GAN: variants seen among roughly 807,000 people sequenced by gnomAD.
The protein encoded by GAN is gigaxonin.
A neutral mutation model predicts 71.3 loss-of-function variants in GAN; 48 were observed. That is an observed-to-expected ratio of 0.67 (90% CI 0.53 to 0.86). The LOEUF (loss-of-function observed/expected upper bound fraction) is 0.86, where lower values mean the gene tolerates loss of function less well. GAN is among the 40% of genes least tolerant of loss of function. GAN has a pLI of 0.00. For synonymous variants in GAN, 386 were observed against 276.8 expected, an observed-to-expected ratio of 1.39 and a Z score of -3.92; for missense variants, 928 against 770.1, an observed-to-expected ratio of 1.21 and a Z score of -2.43.
At chr16:81,337,583 G>C (rs1027611273) in intron 1 of GAN, among the ~76,000 whole-genome samples, 19 of 152,336 alleles carry the variant, frequency 1.2e-4, no homozygotes, top group African/African-American at 4.6e-4. Context: ...CATTTTGGAA[G>C]CAAGAAGGGG....
At chr16:81,337,685 A>G (rs1171166092) in intron 1 of GAN, among the ~76,000 whole-genome samples, 1 of 152,188 alleles carries the variant, frequency 6.6e-6, no homozygotes, top group African/African-American at 2.4e-5. Flanking sequence ...GAATAATACC[A>G]TCTTCTTTAT....
intron 1 of GAN, among the ~76,000 whole-genome samples, chr16:81,329,504 G>A (rs1909502468): frequency 6.6e-6 from 1 of 152,216 alleles, no homozygotes. Flanking sequence ...CTTGTGCACA[G>A]TCTCAGCTCC....
intron 3 of GAN, 88 bp from the exon 4 acceptor site, chr16:81,356,696 GT>G (rs1426729018): frequency 2.1e-6 from 2 of 931,894 alleles, no homozygotes; most frequent in East Asian, 2.4e-5. Context: ...TTAACAGTTT[GT>G]TTTCCATGAG....
rs527514406 is a variant in GAN, at chr16:81,321,331, C to T, written c.167+6051C>T. ...GTAATGTGATAGGAGTAAAACCTAG[C>T]TCTGGTTAATTTTCTCTAGTGGATA... On this transcript the variant is annotated intron_variant, in intron 1 of 10. Transcript: ENST00000648994. Among the ~76,000 whole-genome samples, 3 of 152,270 alleles carry T rather than the reference C, an allele frequency of 2.0e-5. No individual in the cohort carries two copies. In the South Asian group the frequency reaches 6.2e-4, roughly 32 times the overall value.
chr16:81,373,949 G>T (rs1461060999), intron 9 of GAN, among the ~76,000 whole-genome samples: 3 of 152,148 alleles, frequency 2.0e-5, no homozygotes, highest in African/African-American at 4.8e-5. Flanking sequence ...CACCATGTTG[G>T]CCAGGATGGT....
At chr16:81,344,238 C>A (rs1054081268) in intron 1 of GAN, among the ~76,000 whole-genome samples, 1 of 152,192 alleles carries the variant, frequency 6.6e-6, no homozygotes, top group African/African-American at 2.4e-5. Context: ...CGCTGACTTT[C>A]TTCACAGAAT....
In GAN at chr16:81,355,407, G is replaced by T. The variant is rs563138961; in HGVS notation, c.633+652G>T. On this transcript the variant is annotated intron_variant, in intron 3 of 10. Transcript: ENST00000648994. ...GTCTCAGTCTGTCTCCCAGGCTGAAGGGCAGTAGCCAGAGTGGCACGATCA... is the reference window on the plus strand; with the variant it reads ...GTCTCAGTCTGTCTCCCAGGCTGAATGGCAGTAGCCAGAGTGGCACGATCA... Among the ~76,000 whole-genome samples, 15 of 152,330 alleles carry T rather than the reference G, an allele frequency of 9.8e-5. No homozygotes were observed. In the South Asian group the frequency reaches 2.5e-3, roughly 25 times the overall value.
At chr16:81,330,231 GT>G (rs1909530354) in intron 1 of GAN, among the ~76,000 whole-genome samples, 1 of 152,200 alleles carries the variant, frequency 6.6e-6, no homozygotes, top group African/African-American at 2.4e-5. Flanking sequence ...TGCCGCCAGA[GT>G]GATGTTTCTA....
At chr16:81,315,757 G>A (rs537311956) in intron 1 of GAN, among the ~76,000 whole-genome samples, 88 of 152,370 alleles carry the variant, frequency 5.8e-4, no homozygotes, top group Non-Finnish European at 1.1e-3. Flanking sequence ...CACGCGCGGG[G>A]GCTGGGCCGG....
rs761227636 is a variant in GAN at position 81,377,623 on chromosome 16, C to A, written c.*27C>A. ...GAGGAAGCAGAGCAGAGTGCGAGAT[C>A]CTGACCCAAGAGCACCATAACATAG... On this transcript the variant is annotated 3_prime_UTR_variant, in exon 11 of 11. Transcript: ENST00000648994. 1.9e-6 allele frequency: 3 copies of A among 1,601,096 alleles called. No individual in the cohort carries two copies. Among genetic ancestry groups the A allele is most frequent in the African/African-American group, 1.3e-5 (1 of 74,792 alleles).
intron 1 of GAN, among the ~76,000 whole-genome samples, chr16:81,316,605 A>T (rs1909051583): frequency 6.6e-6 from 1 of 152,200 alleles, no homozygotes; most frequent in Non-Finnish European, 1.5e-5. Flanking sequence ...ACCCATCCCA[A>T]ATTGGAGTCA....
rs78416810 is a variant in GAN at position 81,323,461 on chromosome 16, A to T, written c.167+8181A>T. ...TTATGAAAATATTCACTGTCATAAT[A>T]AGTCTTGGGACATCCTTAAGAAATG... On this transcript the variant is annotated intron_variant, in intron 1 of 10. Transcript: ENST00000648994. Among the ~76,000 whole-genome samples, 1,491 of 152,306 alleles carry T rather than the reference A, an allele frequency of 9.8e-3. 30 individuals carry two copies. Among genetic ancestry groups the T allele is most frequent in the African/African-American group, 0.035 (1,435 of 41,560 alleles).
Position 81,377,800 on chromosome 16 carries a change from G to T in GAN, c.*204G>T. On this transcript the variant is annotated 3_prime_UTR_variant, in exon 11 of 11. Coordinates refer to ENST00000648994, the MANE Select transcript of GAN (RefSeq NM_022041.4). ...ACTGTTGAAAAACTACCTGGGAGGA[G>T]TGAGTTCCTCCAGTTAAATGTGGCT... 1 of 603,426 alleles carries T rather than the reference G, an allele frequency of 1.7e-6. No individual in the cohort carries two copies. The highest frequency in any genetic ancestry group is 3.0e-6 in the Non-Finnish European group (1 of 337,424). The allele number at this position is 603,426 out of a possible 1,614,324, so 37.4% of individuals were successfully genotyped here.
intron 1 of GAN, among the ~76,000 whole-genome samples, chr16:81,332,041 A>T (rs1348945193): frequency 6.6e-6 from 1 of 152,006 alleles, no homozygotes; most frequent in African/African-American, 2.4e-5. Context: ...CATGCCTGTG[A>T]TCCCAGCTAC....
chr16:81,320,661 C>G (rs1338354806), intron 1 of GAN, among the ~76,000 whole-genome samples: 1 of 152,174 alleles, frequency 6.6e-6, no homozygotes, highest in East Asian at 1.9e-4. Context: ...TCTTAGTGCT[C>G]AGGGGTTCAG....
chr16:81,381,641 T>C lies in GAN; in HGVS notation c.*4045T>C, dbSNP rs1354646539. The C allele has an allele frequency of 1.3e-5, 2 of 152,236 alleles. No individual in the cohort carries two copies. Among genetic ancestry groups the C allele is most frequent in the Non-Finnish European group, 2.9e-5 (2 of 68,074 alleles). The allele number at this position is 152,236 out of a possible 1,614,324, so 9.4% of individuals were successfully genotyped here. A position where few individuals can be genotyped will look rare whatever the true frequency, so the allele number is the denominator to read the frequency against. ...CAGTGAGGCAGAGGTCACACCACTCTCCTACTCAAGGTCATAAACCCACTA... is the reference window on the plus strand; with the variant it reads ...CAGTGAGGCAGAGGTCACACCACTCCCCTACTCAAGGTCATAAACCCACTA... On this transcript the variant is annotated 3_prime_UTR_variant, in exon 11 of 11. Coordinates refer to ENST00000648994, the MANE Select transcript of GAN (RefSeq NM_022041.4).
chr16:81,369,888 T>G (rs1910982242), intron 9 of GAN, among the ~76,000 whole-genome samples: 1 of 152,246 alleles, frequency 6.6e-6, no homozygotes, highest in African/African-American at 2.4e-5. Context: ...GCTTTTTTAA[T>G]GCACACAGAG....
chr16:81,331,222 C>G (rs1322960473), intron 1 of GAN, among the ~76,000 whole-genome samples: 1 of 152,058 alleles, frequency 6.6e-6, no homozygotes. Context: ...AAAGGCAAAT[C>G]CAAGTTGAGG....
At chr16:81,347,571 G>A (rs917552891) in intron 1 of GAN, among the ~76,000 whole-genome samples, 17 of 152,060 alleles carry the variant, frequency 1.1e-4, no homozygotes, top group African/African-American at 4.1e-4. Context: ...ACCATCCCGA[G>A]AAAGGTTGCA....
Sources: allele counts gnomAD v4.1 joint callset (sites outside exome capture counted in the v4.1 genomes callset), GRCh38; gene constraint gnomAD v4.1.1; transcripts MANE v1.5; gene names NCBI Gene and HGNC (gene_info 2026-07-23, HGNC 2026-07-21).